SNX29: variants seen among roughly 807,000 people sequenced by gnomAD.
The protein encoded by SNX29 is sorting nexin 29.
In SNX29, 78 loss-of-function variants were observed where a neutral mutation model predicts 102.1. The observed-to-expected ratio is 0.76, with a 90% CI of 0.64 to 0.92. The LOEUF (loss-of-function observed/expected upper bound fraction) is 0.92, where lower values mean the gene tolerates loss of function less well. Ranked by LOEUF, SNX29 falls within the 40% of genes least tolerant of loss-of-function variation. The pLI, the probability that SNX29 is intolerant of heterozygous loss-of-function variation, is 0.00. For synonymous variants in SNX29, 580 were observed against 414.5 expected (o/e 1.40, Z -4.85); for missense variants, 1,280 against 1,061.7 (o/e 1.21, Z -2.86).
chr16:12,093,129 G>A (rs2052627287), intron 11 of SNX29, among the ~76,000 whole-genome samples: 1 of 152,204 alleles, frequency 6.6e-6, no homozygotes. Context: ...AATTCTGAGT[G>A]GCCAGCAGCC....
At chr16:12,565,000 G>A (rs1412605058) in intron 20 of SNX29, among the ~76,000 whole-genome samples, 1 of 152,008 alleles carries the variant, frequency 6.6e-6, no homozygotes, top group East Asian at 1.9e-4. Flanking sequence ...TACAGCCCAT[G>A]TCTCTACTGT....
At chr16:12,174,626 G>A (rs1271991508) in intron 13 of SNX29, among the ~76,000 whole-genome samples, 1 of 152,190 alleles carries the variant, frequency 6.6e-6, no homozygotes, top group African/African-American at 2.4e-5. Context: ...GCGTTCACCA[G>A]TTTTCAAGGC....
chr16:12,288,169 G>C (rs1401200413), intron 15 of SNX29, among the ~76,000 whole-genome samples: 1 of 152,090 alleles, frequency 6.6e-6, no homozygotes, highest in African/African-American at 2.4e-5. Context: ...GACTCCAGAG[G>C]CGGGACTCAG....
intron 13 of SNX29, among the ~76,000 whole-genome samples, chr16:12,177,851 G>A (rs941957809): frequency 1.3e-5 from 2 of 152,168 alleles, no homozygotes; most frequent in South Asian, 2.1e-4. Flanking sequence ...ATAGCAGTCC[G>A]ACAATCAGAT....
chr16:12,033,235 C>A lies in SNX29; in HGVS notation c.247+5791C>A, dbSNP rs1056620782. Among the ~76,000 whole-genome samples the A allele has an allele frequency of 7.9e-5, 12 of 151,748 alleles. No homozygotes were observed. The South Asian group carries it at 8.3e-4, about 11-fold the overall frequency. Reference sequence around the variant, plus strand: ...GAGAACCAGAGAGTGATTACCACCCCCTTTTTTCATATATATATATGTATG... The same window carrying A: ...GAGAACCAGAGAGTGATTACCACCCACTTTTTTCATATATATATATGTATG... On this transcript the variant is annotated intron_variant, in intron 4 of 20. Transcript: ENST00000566228.
intron 15 of SNX29, among the ~76,000 whole-genome samples, chr16:12,333,267 G>A (rs570030781): frequency 3.9e-5 from 6 of 151,904 alleles, no homozygotes; most frequent in South Asian, 2.1e-4. Flanking sequence ...CACCATGCCC[G>A]GCTAATTTTT....
chr16:12,069,892 G>A (rs2051214167), intron 10 of SNX29, among the ~76,000 whole-genome samples: 1 of 151,362 alleles, frequency 6.6e-6, no homozygotes. Flanking sequence ...GGGTTTCACC[G>A]TGGTCTCGAT....
intron 19 of SNX29, among the ~76,000 whole-genome samples, chr16:12,502,942 A>G (rs573275708): frequency 6.6e-6 from 1 of 152,302 alleles, no homozygotes; most frequent in East Asian, 1.9e-4. Context: ...GCAAAGAAGC[A>G]CTCACGTTGC....
intron 2 of SNX29, among the ~76,000 whole-genome samples, chr16:12,001,098 A>G (rs1243720209): frequency 6.6e-6 from 1 of 152,058 alleles, no homozygotes; most frequent in Non-Finnish European, 1.5e-5. Flanking sequence ...AATAAAGTGG[A>G]GCTTATGCCC....
At chr16:12,555,058 GT>G (rs1567189429) in intron 20 of SNX29, among the ~76,000 whole-genome samples, 1 of 151,782 alleles carries the variant, frequency 6.6e-6, no homozygotes, top group Non-Finnish European at 1.5e-5. Flanking sequence ...CAAGAGGCTG[GT>G]TGGAGTTGTG....
At chr16:12,551,492 A>T (rs973212546) in intron 20 of SNX29, among the ~76,000 whole-genome samples, 6 of 152,192 alleles carry the variant, frequency 3.9e-5, no homozygotes, top group African/African-American at 1.4e-4. Flanking sequence ...ATGCAACATT[A>T]ATCTTTGGGC....
chr16:12,316,786 C>T (rs1345121937), intron 15 of SNX29, among the ~76,000 whole-genome samples: 1 of 152,144 alleles, frequency 6.6e-6, no homozygotes, highest in African/African-American at 2.4e-5. Flanking sequence ...CTTTCTGCAG[C>T]CCTCCCAGGG....
intron 12 of SNX29, among the ~76,000 whole-genome samples, chr16:12,127,386 C>G (rs895907926): frequency 6.6e-6 from 1 of 151,848 alleles, no homozygotes; most frequent in Non-Finnish European, 1.5e-5. Context: ...GAAAGAAGTC[C>G]TATACCCTTT....
chr16:12,572,684 C>T lies in SNX29; in HGVS notation c.*4055C>T. 1.9e-6 allele frequency: 2 copies of T among 1,063,678 alleles called. No homozygotes were observed. The highest frequency in any genetic ancestry group is 1.6e-5 in the African/African-American group (1 of 61,052). 65.9% of individuals were successfully genotyped at this position (1,063,678 alleles called of 1,614,324 possible). On this transcript the variant is annotated 3_prime_UTR_variant, in exon 21 of 21. Coordinates refer to ENST00000566228, the MANE Select transcript of SNX29 (RefSeq NM_032167.5). ...AGCTGCAGCACCCACACGGGGGAAGCCCTGCACTCCAGCAGCATCTTCCAG... is the reference window on the plus strand; with the variant it reads ...AGCTGCAGCACCCACACGGGGGAAGTCCTGCACTCCAGCAGCATCTTCCAG...
intron 19 of SNX29, among the ~76,000 whole-genome samples, chr16:12,480,480 A>G (rs1273648219): frequency 1.3e-5 from 2 of 152,104 alleles, no homozygotes; most frequent in African/African-American, 2.4e-5. Context: ...CACCCAGATC[A>G]TCCAAATTAA....
At chr16:12,340,801 T>G (rs1396348894) in intron 15 of SNX29, among the ~76,000 whole-genome samples, 1 of 152,168 alleles carries the variant, frequency 6.6e-6, no homozygotes, top group South Asian at 2.1e-4. Context: ...TCTTTGTGGG[T>G]TCTTGAAGGT....
intron 7 of SNX29, among the ~76,000 whole-genome samples, chr16:12,049,910 C>T (rs1237861723): frequency 1.3e-5 from 2 of 152,160 alleles, no homozygotes; most frequent in Non-Finnish European, 2.9e-5. Context: ...AGCCACTGCA[C>T]CTGGTTGAAA....
At chr16:12,207,999 A>G (rs780762014) in intron 14 of SNX29, among the ~76,000 whole-genome samples, 4 of 152,208 alleles carry the variant, frequency 2.6e-5, no homozygotes, top group Non-Finnish European at 5.9e-5. Flanking sequence ...GGTCCATCCA[A>G]GTGACTTTCA....
intron 14 of SNX29, among the ~76,000 whole-genome samples, chr16:12,254,765 G>A (rs1596645700): frequency 6.6e-6 from 1 of 152,166 alleles, no homozygotes; most frequent in Non-Finnish European, 1.5e-5. Context: ...GCTGCCGATG[G>A]GGCAAATGAG....
Sources: gnomAD v4.1 joint callset for allele counts (sites outside exome capture counted in the v4.1 genomes callset) on GRCh38, gnomAD v4.1.1 for gene constraint, MANE v1.5 for transcripts, NCBI Gene and HGNC (gene_info 2026-07-23, HGNC 2026-07-21) for gene names.